Variants in TRERF1 observed in about 807,000 individuals in gnomAD.
TRERF1 encodes transcriptional regulating factor 1, also known as transcriptional-regulating factor 1.
TRERF1 carries 27 observed loss-of-function variants against 122.9 expected under a neutral mutation model. The ratio of observed to expected loss-of-function variants is 0.22; its 90% confidence interval spans 0.16 to 0.30. TRERF1 has a LOEUF of 0.30. Among genes scored for constraint, TRERF1 ranks in the 10% least tolerant of loss-of-function variants. The probability of loss-of-function intolerance (pLI) is 1.00; values close to 1 mark genes in which losing one functional copy is unlikely to be tolerated. For synonymous variants in TRERF1, 636 were observed against 641.7 expected (o/e 0.99, Z 0.13); for missense variants, 1,248 against 1,560.3 (o/e 0.80, Z 3.37).
chr6:42,273,159 T>C (rs904945585), intron 4 of TRERF1, among the ~76,000 whole-genome samples: 51 of 151,066 alleles, frequency 3.4e-4, no homozygotes, highest in African/African-American at 9.6e-4. Flanking sequence ...TCCTTTCTTA[T>C]ATGTTCTCAT....
At chr6:42,324,883 A>T (rs1764022164) in intron 3 of TRERF1, among the ~76,000 whole-genome samples, 7 of 152,350 alleles carry the variant, frequency 4.6e-5, no homozygotes, top group Admixed American at 4.6e-4. Flanking sequence ...AATTGCAAGA[A>T]AAATGAAAAT....
intron 2 of TRERF1, among the ~76,000 whole-genome samples, chr6:42,410,943 G>A (rs1394172805): frequency 1.3e-5 from 2 of 152,220 alleles, no homozygotes; most frequent in East Asian, 1.9e-4. Flanking sequence ...ATACAGAGAA[G>A]CTGTGGTCCA....
At chr6:42,256,282 C>T (rs572341988) in intron 12 of TRERF1, among the ~76,000 whole-genome samples, 1 of 152,114 alleles carries the variant, frequency 6.6e-6, no homozygotes, top group African/African-American at 2.4e-5. Flanking sequence ...ACAGTAAACA[C>T]TTTATTTTGG....
intron 2 of TRERF1, among the ~76,000 whole-genome samples, chr6:42,447,903 C>T (rs1787819740): frequency 6.6e-6 from 1 of 152,110 alleles, no homozygotes; most frequent in African/African-American, 2.4e-5. Context: ...GGGGTTTCAC[C>T]ATGTTGGCCA....
At chr6:42,421,899 G>A (rs1334643769) in intron 2 of TRERF1, among the ~76,000 whole-genome samples, 1 of 152,040 alleles carries the variant, frequency 6.6e-6, no homozygotes, top group Non-Finnish European at 1.5e-5. Flanking sequence ...CGCGTGTGGT[G>A]GCTCACGCCT....
intron 4 of TRERF1, among the ~76,000 whole-genome samples, chr6:42,299,625 T>A (rs1186176977): frequency 3.9e-5 from 6 of 152,232 alleles, no homozygotes; most frequent in Admixed American, 3.9e-4. Context: ...TATCTTTCAA[T>A]GATGATATAT....
At position 42,317,147 on chromosome 6, in the gene TRERF1, G is replaced by A. The variant is rs140990945; in HGVS notation, c.-370-16398C>T. On this transcript the variant is annotated intron_variant, in intron 3 of 17. Coordinates refer to ENST00000372922, the Ensembl canonical transcript of TRERF1. ...CATTCCCCTGTCCACAAAATTATCCGTAGAACACCCTAGCCTCTGAGTTCT... is the reference window on the plus strand; with the variant it reads ...CATTCCCCTGTCCACAAAATTATCCATAGAACACCCTAGCCTCTGAGTTCT... Among the ~76,000 whole-genome samples the A allele has an allele frequency of 1.6e-3, 245 of 152,010 alleles. 1 individual carries two copies. Among genetic ancestry groups the A allele is most frequent in the African/African-American group, 5.2e-3 (216 of 41,454 alleles).
chr6:42,320,351 A>G (rs1763209567), intron 3 of TRERF1, among the ~76,000 whole-genome samples: 1 of 152,140 alleles, frequency 6.6e-6, no homozygotes, highest in Non-Finnish European at 1.5e-5. Flanking sequence ...CGTTTAGCCT[A>G]TTGGCTCTTA....
At chr6:42,408,263 GTGTA>G (rs201500827) in intron 2 of TRERF1, among the ~76,000 whole-genome samples, 6 of 111,866 alleles carry the variant, frequency 5.4e-5, no homozygotes, top group African/African-American at 1.5e-4. Flanking sequence ...ACACATGTGT[GTGTA>G]TGTATATATA....
Position 42,288,574 on chromosome 6 carries a change from C to CAAAAAAAAAA in TRERF1, c.-259+12054_-259+12063dup, listed in dbSNP as rs3074797. Among the ~76,000 whole-genome samples, 248 of 86,526 alleles carry CAAAAAAAAAA rather than the reference C, an allele frequency of 2.9e-3. 6 individuals are homozygous for CAAAAAAAAAA. The highest frequency in any genetic ancestry group is 0.012 in the African/African-American group (241 of 20,516). The allele number at this position is 86,526 out of a possible 152,430, so 56.8% of individuals were successfully genotyped here. A position where few individuals can be genotyped will look rare whatever the true frequency, so the allele number is the denominator to read the frequency against. On this transcript the variant is annotated intron_variant, in intron 4 of 17. Transcript: ENST00000372922. ...CAAGAGCGAAACTCCATCTCAAAACCAAAAAAAAAAAAAAAAAAAAAAGAG... is the reference window on the plus strand; with the variant it reads ...CAAGAGCGAAACTCCATCTCAAAACCAAAAAAAAAAAAAAAAAAAAAAAAAAAAAAAAGAG...
Position 42,289,975 on chromosome 6 carries a change from G to A in TRERF1, c.-259+10663C>T, listed in dbSNP as rs548760432. On this transcript the variant is annotated intron_variant, in intron 4 of 17. Coordinates refer to ENST00000372922, the Ensembl canonical transcript of TRERF1. ...GATGTCAGGTTCACATCTATGAAGC[G>A]TGGAGCACTGGGAGAGCTGTTTCAC... Among the ~76,000 whole-genome samples the A allele has an allele frequency of 5.9e-5, 9 of 152,298 alleles. No homozygotes were observed. The South Asian group carries it at 1.5e-3, about 25-fold the overall frequency.
At chr6:42,419,095 G>A (rs1352979067) in intron 2 of TRERF1, among the ~76,000 whole-genome samples, 1 of 152,210 alleles carries the variant, frequency 6.6e-6, no homozygotes, top group African/African-American at 2.4e-5. Flanking sequence ...ATCCAGGATG[G>A]CCCGTGCCAG....
intron 6 of TRERF1, 108 bp from the exon 7 acceptor site, chr6:42,264,962 T>C: frequency 8.1e-7 from 1 of 1,233,042 alleles, no homozygotes. Flanking sequence ...ATTCATCCAA[T>C]GATCCCATTG....
At chr6:42,417,851 G>A (rs1198911590) in intron 2 of TRERF1, among the ~76,000 whole-genome samples, 2 of 152,216 alleles carry the variant, frequency 1.3e-5, no homozygotes, top group Admixed American at 1.3e-4. Context: ...ATGGCTAGCT[G>A]CGCCAAGAAC....
chr6:42,386,143 G>T (rs575761962), intron 2 of TRERF1, among the ~76,000 whole-genome samples: 1 of 152,342 alleles, frequency 6.6e-6, no homozygotes, highest in Non-Finnish European at 1.5e-5. Flanking sequence ...ATCACCTGAG[G>T]TTGGGAGTTT....
chr6:42,325,015 C>T (rs1764051004), intron 3 of TRERF1, among the ~76,000 whole-genome samples: 1 of 151,980 alleles, frequency 6.6e-6, no homozygotes, highest in South Asian at 2.1e-4. Flanking sequence ...TGACAAAGGT[C>T]TAATATCCAG....
chr6:42,359,749 A>G (rs1248332960), intron 3 of TRERF1, among the ~76,000 whole-genome samples: 1 of 152,190 alleles, frequency 6.6e-6, no homozygotes, highest in African/African-American at 2.4e-5. Context: ...AACCAACAAA[A>G]AAAACCCCAA....
At chr6:42,438,161 A>G (rs984503330) in intron 2 of TRERF1, among the ~76,000 whole-genome samples, 4 of 150,734 alleles carry the variant, frequency 2.7e-5, no homozygotes, top group African/African-American at 9.7e-5. Context: ...ACCTCAAGTG[A>G]TCCACCCACC....
chr6:42,268,783 A>G lies in TRERF1; in HGVS notation c.808T>C (p.Tyr270His). The G allele has an allele frequency of 6.2e-7, 1 of 1,614,118 alleles. No homozygotes were observed. Among genetic ancestry groups the G allele is most frequent in the Non-Finnish European group, 8.5e-7 (1 of 1,180,026 alleles). Residue 270 changes from tyrosine to histidine, a missense_variant, in exon 5 of 18, where the codon TAC (tyrosine) becomes CAC (histidine). Physicochemically the swap from Tyr to His is moderately conservative, Grantham distance 83. This residue lies in a region of TRERF1 where 946 missense variants were observed against 1,073.0 expected (regional missense o/e 0.88). Coordinates refer to ENST00000372922, the Ensembl canonical transcript of TRERF1. This position sits in a 1 kb window ranked among gnomAD's most constrained non-coding sequence, Gnocchi z 4.4. ...GCTTGCTGCTGTTGCTGCGGTGGGT[A>G]ATACTGGTGCTGCTGCATCTGTTGC...
Sources: allele counts gnomAD v4.1 joint callset (sites outside exome capture counted in the v4.1 genomes callset), GRCh38; gene constraint gnomAD v4.1.1; regional missense constraint gnomAD v4.1.1; non-coding constraint Gnocchi (gnomAD v3.1); transcripts MANE v1.5; gene names NCBI Gene and HGNC (gene_info 2026-07-23, HGNC 2026-07-21).